Variants in RAB11FIP4 observed in about 807,000 individuals in gnomAD.
The protein encoded by RAB11FIP4 is RAB11 family interacting protein 4.
A neutral mutation model predicts 74.3 loss-of-function variants in RAB11FIP4; 23 were observed. The observed-to-expected ratio is 0.31, with a 90% CI of 0.22 to 0.44. The LOEUF (loss-of-function observed/expected upper bound fraction) is 0.44, where lower values mean the gene tolerates loss of function less well. Among genes scored for constraint, RAB11FIP4 ranks in the 20% least tolerant of loss-of-function variants. RAB11FIP4 has a pLI of 1.00. For missense variants in RAB11FIP4, 630 were observed against 863.9 expected (o/e 0.73, Z 3.39); for synonymous variants, 360 against 359.9 (o/e 1.00, Z 0.00).
In RAB11FIP4 at chr17:31,510,273, C is replaced by T. The variant is rs540328943; in HGVS notation, c.337-7378C>T. Among the ~76,000 whole-genome samples, 5 of 152,316 alleles carry T rather than the reference C, an allele frequency of 3.3e-5. No individual in the cohort carries two copies. In the South Asian group the frequency reaches 1.0e-3, roughly 32 times the overall value. On this transcript the variant is annotated intron_variant, in intron 3 of 14. Transcript: ENST00000621161. ...ATCTCGTTCCAGAGCTGTTGGTTGG[C>T]TGGGAGTGGGGTGAGAGATTCATCA...
chr17:31,463,803 C>CTTTTTTTT (rs60955293), intron 3 of RAB11FIP4, among the ~76,000 whole-genome samples: 1,351 of 32,842 alleles, frequency 0.041, 510 homozygotes, highest in Middle Eastern at 0.11. Context: ...TGCGCCTGGA[C>CTTTTTTTT]TTTTTTTTTT....
intron 3 of RAB11FIP4, among the ~76,000 whole-genome samples, chr17:31,446,950 G>A (rs1239594607): frequency 6.6e-6 from 1 of 152,162 alleles, no homozygotes; most frequent in Non-Finnish European, 1.5e-5. Context: ...AGGAGTTCAA[G>A]ACCAGCTTGG....
At chr17:31,474,668 CA>C (rs3058692) in intron 3 of RAB11FIP4, among the ~76,000 whole-genome samples, 5,185 of 135,724 alleles carry the variant, frequency 0.038, 128 homozygotes, top group Non-Finnish European at 0.053. Flanking sequence ...GACTCCATCT[CA>C]AAAAAAAAAA....
chr17:31,393,408 G>A (rs757377), intron 1 of RAB11FIP4, among the ~76,000 whole-genome samples: 68,667 of 152,124 alleles, frequency 0.45, 18,945 homozygotes, highest in Non-Finnish European at 0.61. Flanking sequence ...TGCAGGTCGG[G>A]TAAAGAAGCT....
intron 1 of RAB11FIP4, among the ~76,000 whole-genome samples, chr17:31,416,767 A>G (rs188496220): frequency 7.1e-4 from 108 of 152,262 alleles, no homozygotes; most frequent in African/African-American, 2.4e-3. Flanking sequence ...CAGCACAGCA[A>G]CAGGGTCCAC....
intron 1 of RAB11FIP4, among the ~76,000 whole-genome samples, chr17:31,404,599 A>G (rs1299928020): frequency 6.6e-6 from 1 of 152,176 alleles, no homozygotes; most frequent in East Asian, 1.9e-4. Context: ...GACCGTTACC[A>G]CCACCTCTAG....
chr17:31,443,398 T>C (rs1451253319), intron 3 of RAB11FIP4, among the ~76,000 whole-genome samples: 2 of 152,226 alleles, frequency 1.3e-5, no homozygotes, highest in African/African-American at 2.4e-5. Context: ...CAGCCTTTGG[T>C]GTAATGCTTA....
chr17:31,419,496 G>T (rs2071178622), intron 1 of RAB11FIP4, among the ~76,000 whole-genome samples: 1 of 150,998 alleles, frequency 6.6e-6, no homozygotes, highest in Admixed American at 6.6e-5. Flanking sequence ...CTAATATTTT[G>T]CAGAGGCTCA....
At chr17:31,438,148 C>A (rs998463532) in intron 3 of RAB11FIP4, among the ~76,000 whole-genome samples, 2 of 152,082 alleles carry the variant, frequency 1.3e-5, no homozygotes, top group African/African-American at 4.8e-5. Flanking sequence ...CTGAGACTGT[C>A]CTGCTCAGGC....
At chr17:31,445,566 ATATATATATATATTTTTTT>A (rs1451022516) in intron 3 of RAB11FIP4, among the ~76,000 whole-genome samples, 128 of 12,430 alleles carry the variant, frequency 0.01, 3 homozygotes, top group East Asian at 0.03. Flanking sequence ...ATATATATAT[ATATATATATATATTTTTTT>A]TTTTTTTTTT....
chr17:31,480,533 T>C (rs567203079), intron 3 of RAB11FIP4, among the ~76,000 whole-genome samples: 5 of 152,238 alleles, frequency 3.3e-5, no homozygotes, highest in African/African-American at 9.6e-5. Flanking sequence ...CTCACGCCTG[T>C]AATCCCACCA....
At chr17:31,507,432 T>C (rs1436378391) in intron 3 of RAB11FIP4, among the ~76,000 whole-genome samples, 1 of 152,224 alleles carries the variant, frequency 6.6e-6, no homozygotes, top group Non-Finnish European at 1.5e-5. Context: ...GATTTGTGTT[T>C]CCCTGATGAT....
intron 3 of RAB11FIP4, among the ~76,000 whole-genome samples, chr17:31,473,738 G>A (rs2071762773): frequency 6.6e-6 from 1 of 152,206 alleles, no homozygotes; most frequent in Admixed American, 6.5e-5. Context: ...CATGGAGGTT[G>A]GTGCGATTTG....
intron 3 of RAB11FIP4, among the ~76,000 whole-genome samples, chr17:31,478,328 C>T (rs563058631): frequency 1.3e-5 from 2 of 152,216 alleles, no homozygotes; most frequent in African/African-American, 2.4e-5. Context: ...ATAACGTCTG[C>T]CTTCCGCGCG....
At position 31,525,158 on chromosome 17, in the gene RAB11FIP4, C is replaced by G; in HGVS notation, c.1202C>G (p.Ala401Gly). Reference protein sequence around the residue: ...TTAEQALEEEARRHREAYGKL... With the variant: ...TTAEQALEEEGRRHREAYGKL... ...GCCGAGCAGGCTCTGGAGGAGGAGGCGCGGCGCCACCGCGAGGCCTACGGC... is the reference window on the plus strand; with the variant it reads ...GCCGAGCAGGCTCTGGAGGAGGAGGGGCGGCGCCACCGCGAGGCCTACGGC... The change falls in exon 10 of 15, where the codon GCG (alanine) becomes GGG (glycine). Residue 401 changes from alanine to glycine, a missense_variant. Transcript: ENST00000621161. 1 of 1,548,972 alleles carries G rather than the reference C, an allele frequency of 6.5e-7. No individual in the cohort carries two copies. Among genetic ancestry groups the G allele is most frequent in the Non-Finnish European group, 8.7e-7 (1 of 1,146,790 alleles).
intron 3 of RAB11FIP4, among the ~76,000 whole-genome samples, chr17:31,511,544 G>A (rs1429921159): frequency 6.6e-6 from 1 of 152,242 alleles, no homozygotes; most frequent in Non-Finnish European, 1.5e-5. Flanking sequence ...CTGGGGTTCT[G>A]ACATGTAAAT....
intron 3 of RAB11FIP4, among the ~76,000 whole-genome samples, chr17:31,476,280 G>A (rs1422609826): frequency 7.0e-6 from 1 of 143,340 alleles, no homozygotes; most frequent in African/African-American, 2.6e-5. Context: ...TGCCTCCTGG[G>A]TTCAAGTGAT....
chr17:31,442,022 G>A (rs528186975), intron 3 of RAB11FIP4, among the ~76,000 whole-genome samples: 112 of 149,316 alleles, frequency 7.5e-4, no homozygotes, highest in African/African-American at 2.6e-3. Flanking sequence ...TTTTTGAGAC[G>A]GAGTCTCACT....
rs1254726430 is a variant in RAB11FIP4, at chr17:31,528,351, A to C, written c.1357-55A>C. The C allele has an allele frequency of 1.0e-5, 16 of 1,581,364 alleles. No homozygotes were observed. The East Asian group carries it at 3.1e-4, about 31-fold the overall frequency. On this transcript the variant is annotated intron_variant, in intron 11 of 14. Coordinates refer to ENST00000621161, the MANE Select transcript of RAB11FIP4 (RefSeq NM_032932.6). Reference sequence around the variant, plus strand: ...CCAGACCCCAGGGACACCCCTGGACATAGTGAGCCCCTCTCTGGGAACTCT... The same window carrying C: ...CCAGACCCCAGGGACACCCCTGGACCTAGTGAGCCCCTCTCTGGGAACTCT...
Sources: gnomAD v4.1 joint callset for allele counts (sites outside exome capture counted in the v4.1 genomes callset) on GRCh38, gnomAD v4.1.1 for gene constraint, MANE v1.5 for transcripts, NCBI Gene and HGNC (gene_info 2026-07-23, HGNC 2026-07-21) for gene names.